SLCO3A1: variants seen among roughly 807,000 people sequenced by gnomAD.
SLCO3A1 encodes the protein PGE1 transporter.
A neutral mutation model predicts 63.1 loss-of-function variants in SLCO3A1; 27 were observed. That is an observed-to-expected ratio of 0.43 (90% CI 0.32 to 0.59). SLCO3A1 has a LOEUF of 0.59. Ranked by LOEUF, SLCO3A1 falls within the 20% of genes least tolerant of loss-of-function variation. The probability of loss-of-function intolerance (pLI) is 0.09; values close to 1 mark genes in which losing one functional copy is unlikely to be tolerated. For synonymous variants in SLCO3A1, 473 were observed against 409.9 expected (o/e 1.15, Z -1.86); for missense variants, 773 against 945.8 (o/e 0.82, Z 2.40).
chr15:91,959,869 A>G (rs927877115), intron 2 of SLCO3A1, among the ~76,000 whole-genome samples: 1 of 152,172 alleles, frequency 6.6e-6, no homozygotes, highest in East Asian at 1.9e-4. Flanking sequence ...CTCACTAGCA[A>G]TCACTTTCAT....
intron 2 of SLCO3A1, among the ~76,000 whole-genome samples, chr15:91,956,210 C>G (rs1262316406): frequency 6.6e-6 from 1 of 152,104 alleles, no homozygotes; most frequent in Admixed American, 6.5e-5. Context: ...TGGTTTCTGG[C>G]GTTCTACAGA....
chr15:92,136,437 C>T (rs1258750317), intron 7 of SLCO3A1, among the ~76,000 whole-genome samples: 2 of 152,154 alleles, frequency 1.3e-5, no homozygotes, highest in Non-Finnish European at 2.9e-5. Context: ...AATAGCATGC[C>T]GACTGCTTCC....
At chr15:91,963,424 C>A (rs1900537173) in intron 2 of SLCO3A1, among the ~76,000 whole-genome samples, 1 of 127,890 alleles carries the variant, frequency 7.8e-6, no homozygotes, top group African/African-American at 3.0e-5. Flanking sequence ...GGGGGGGCGG[C>A]AGCAGCCTGG....
intron 1 of SLCO3A1, among the ~76,000 whole-genome samples, 153 bp from the exon 2 acceptor site, chr15:91,915,840 A>T (rs1597116820): frequency 1.3e-5 from 2 of 152,242 alleles, no homozygotes; most frequent in East Asian, 3.9e-4. Context: ...TCAGGTTAAA[A>T]GGCATTTACA....
At chr15:91,927,895 A>T (rs1487911288) in intron 2 of SLCO3A1, among the ~76,000 whole-genome samples, 21 of 152,318 alleles carry the variant, frequency 1.4e-4, no homozygotes, top group Non-Finnish European at 2.4e-4. Context: ...CTATTATTAG[A>T]TCTAAATCAT....
At chr15:92,088,072 G>A (rs1340556144) in intron 2 of SLCO3A1, among the ~76,000 whole-genome samples, 2 of 152,112 alleles carry the variant, frequency 1.3e-5, no homozygotes, top group South Asian at 2.1e-4. Flanking sequence ...CAGGGAAAGA[G>A]GAGGTTTGGG....
At chr15:91,979,246 G>A (rs1487677042) in intron 2 of SLCO3A1, among the ~76,000 whole-genome samples, 3 of 152,038 alleles carry the variant, frequency 2.0e-5, no homozygotes, top group Non-Finnish European at 4.4e-5. Context: ...ATATTTGGGG[G>A]ATAGGACCCA....
chr15:92,127,940 G>C (rs776628813), intron 6 of SLCO3A1, among the ~76,000 whole-genome samples: 1 of 152,146 alleles, frequency 6.6e-6, no homozygotes, highest in Non-Finnish European at 1.5e-5. Context: ...AGGACAGGGG[G>C]ATAAGCTGAG....
chr15:92,125,226 T>C (rs534983113), intron 5 of SLCO3A1, among the ~76,000 whole-genome samples: 4 of 152,092 alleles, frequency 2.6e-5, no homozygotes, highest in Non-Finnish European at 5.9e-5. Context: ...GACTGGAAAA[T>C]TGGCCATGCA....
At chr15:92,107,942 A>AT (rs2151549276) in intron 4 of SLCO3A1, among the ~76,000 whole-genome samples, 1 of 152,342 alleles carries the variant, frequency 6.6e-6, no homozygotes, top group East Asian at 1.9e-4. Flanking sequence ...AAAGCTGTGT[A>AT]AGGTCAGTGT....
At chr15:92,123,508 C>T (rs1276003193) in intron 5 of SLCO3A1, among the ~76,000 whole-genome samples, 3 of 152,176 alleles carry the variant, frequency 2.0e-5, no homozygotes, top group African/African-American at 4.8e-5. Flanking sequence ...CAGGGTACCA[C>T]AAGTCTTATG....
intron 2 of SLCO3A1, among the ~76,000 whole-genome samples, chr15:91,962,995 A>G (rs978914280): frequency 6.6e-6 from 1 of 152,182 alleles, no homozygotes. Context: ...ATCTGTAACT[A>G]AGATCTGATT....
chr15:91,977,385 T>C (rs28660220), intron 2 of SLCO3A1, among the ~76,000 whole-genome samples: 3,749 of 152,204 alleles, frequency 0.025, 158 homozygotes, highest in African/African-American at 0.084. Context: ...AAGTTGTCGG[T>C]AACACACTTA....
At chr15:91,881,823 G>A (rs574678423) in intron 1 of SLCO3A1, among the ~76,000 whole-genome samples, 14 of 152,222 alleles carry the variant, frequency 9.2e-5, no homozygotes, top group African/African-American at 2.6e-4. Context: ...TTTTCTTAGC[G>A]CAAGCAGCAT....
intron 1 of SLCO3A1, among the ~76,000 whole-genome samples, chr15:91,868,549 A>G (rs1897223217): frequency 6.6e-6 from 1 of 152,128 alleles, no homozygotes; most frequent in Non-Finnish European, 1.5e-5. Context: ...GTCTACCTGC[A>G]TTGATGCGTG....
downstream of SLCO3A1, among the ~76,000 whole-genome samples, chr15:92,166,343 G>A (rs2048493557): frequency 6.6e-6 from 1 of 152,168 alleles, no homozygotes; most frequent in Non-Finnish European, 1.5e-5. Context: ...TAACTGGAAA[G>A]CCAGGAGCTC....
chr15:92,010,024 C>T (rs10468145), intron 2 of SLCO3A1, among the ~76,000 whole-genome samples: 6 of 152,006 alleles, frequency 3.9e-5, no homozygotes, highest in Non-Finnish European at 8.8e-5. Flanking sequence ...GCAATTTCAC[C>T]GCACTCTTGA....
At chr15:92,116,548 G>A (rs1352357986) in intron 4 of SLCO3A1, among the ~76,000 whole-genome samples, 1 of 152,240 alleles carries the variant, frequency 6.6e-6, no homozygotes, top group Non-Finnish European at 1.5e-5. Flanking sequence ...GGCTAAGAGA[G>A]TCTGCAGGTG....
At chr15:91,874,097 A>G (rs1897341919) in intron 1 of SLCO3A1, among the ~76,000 whole-genome samples, 1 of 152,154 alleles carries the variant, frequency 6.6e-6, no homozygotes, top group Non-Finnish European at 1.5e-5. Flanking sequence ...TTTTTCCTAT[A>G]TGTATATACC....
Sources: allele counts gnomAD v4.1 joint callset (sites outside exome capture counted in the v4.1 genomes callset), GRCh38; gene constraint gnomAD v4.1.1; transcripts MANE v1.5; gene names NCBI Gene and HGNC (gene_info 2026-07-23, HGNC 2026-07-21).